ABCG1: variants seen among roughly 807,000 people sequenced by gnomAD.
The protein encoded by ABCG1 is ATP binding cassette subfamily G member 1, also known as ATP-binding cassette sub-family G member 1.
In ABCG1, 29 loss-of-function variants were observed where a neutral mutation model predicts 69.2. The observed-to-expected ratio is 0.42, with a 90% CI of 0.31 to 0.57. The LOEUF (loss-of-function observed/expected upper bound fraction) is 0.57, where lower values mean the gene tolerates loss of function less well. ABCG1 is among the 20% of genes least tolerant of loss of function. ABCG1 has a pLI of 0.15. For missense variants in ABCG1, 718 were observed against 898.1 expected, an observed-to-expected ratio of 0.80 and a Z score of 2.56; for synonymous variants, 370 against 374.8, an observed-to-expected ratio of 0.99 and a Z score of 0.15.
At chr21:42,216,340 G>C (rs1357057197), upstream of ABCG1, among the ~76,000 whole-genome samples, 1 of 152,200 alleles carries the variant, frequency 6.6e-6, no homozygotes, top group Non-Finnish European at 1.5e-5. Flanking sequence ...TTCTGTTGGG[G>C]TTGGGACTAA....
intron 2 of ABCG1, among the ~76,000 whole-genome samples, chr21:42,266,820 C>A (rs1356456794): frequency 6.6e-6 from 1 of 152,054 alleles, no homozygotes; most frequent in African/African-American, 2.4e-5. Context: ...ACATTAGGGC[C>A]CCAAGAAGAT....
Position 42,219,668 on chromosome 21 carries a change from C to A in ABCG1, c.42+364C>A, listed in dbSNP as rs938534681. Among the ~76,000 whole-genome samples, 3 of 151,992 alleles carry A rather than the reference C, an allele frequency of 2.0e-5. No individual in the cohort carries two copies. On this transcript the variant is annotated intron_variant, in intron 1 of 14. Coordinates refer to ENST00000398449, the MANE Select transcript of ABCG1 (RefSeq NM_016818.3). The surrounding 1 kb of genome is among the most constrained non-coding windows in gnomAD (Gnocchi z 5.3). ...AGCGCACTGGGGACTGGGGAGGGGC[C>A]GCAGCTTGGGCCGGAGGGAAGAGGG...
intron 2 of ABCG1, among the ~76,000 whole-genome samples, chr21:42,210,576 G>A (rs1237317236): frequency 1.3e-5 from 2 of 152,192 alleles, no homozygotes; most frequent in Non-Finnish European, 2.9e-5. Context: ...GCTAATGGAA[G>A]AAAACAAAAG....
At chr21:42,283,661 CCCAAATGAGTGGGGAA>C (rs1569236304) in intron 6 of ABCG1, among the ~76,000 whole-genome samples, 1 of 137,384 alleles carries the variant, frequency 7.3e-6, no homozygotes, top group African/African-American at 2.6e-5. Context: ...TCCCCCCCCA[CCCAAATGAGTGGGGAA>C]CCCCCACCTC....
At chr21:42,233,860 T>C (rs986158488) in intron 2 of ABCG1, among the ~76,000 whole-genome samples, 3 of 152,250 alleles carry the variant, frequency 2.0e-5, no homozygotes, top group Non-Finnish European at 4.4e-5. Flanking sequence ...AGTCACGTTC[T>C]TTCTGTTTCT....
chr21:42,265,290 A>G (rs1436567419), intron 2 of ABCG1, among the ~76,000 whole-genome samples: 1 of 152,170 alleles, frequency 6.6e-6, no homozygotes, highest in Non-Finnish European at 1.5e-5. Flanking sequence ...GTTGAGTTGC[A>G]TCCCCCAAAT....
chr21:42,269,408 C>T (rs3787994), intron 2 of ABCG1, among the ~76,000 whole-genome samples: 1 of 152,174 alleles, frequency 6.6e-6, no homozygotes, highest in African/African-American at 2.4e-5. Flanking sequence ...TCTTGGGGTT[C>T]CCGGTCCTCC....
Position 42,219,705 on chromosome 21 carries a change from GGGGAGCC to G in ABCG1, c.42+402_42+408del, listed in dbSNP as rs1438696971. Reference sequence around the variant, plus strand: ...CGGAGGGAAGAGGGGACTTGAAGAAGGGGAGCCCCGCGCGCGCGGCTGTGGGCTTGGG... The same window carrying G: ...CGGAGGGAAGAGGGGACTTGAAGAAGCCGCGCGCGCGGCTGTGGGCTTGGG... On this transcript the variant is annotated intron_variant, in intron 1 of 14. Coordinates refer to ENST00000398449, the MANE Select transcript of ABCG1 (RefSeq NM_016818.3). The surrounding 1 kb of genome is among the most constrained non-coding windows in gnomAD (Gnocchi z 5.3). The G allele has an allele frequency of 3.3e-4, 304 of 927,802 alleles. No homozygotes were observed. The highest frequency in any genetic ancestry group is 4.1e-4 in the Non-Finnish European group (270 of 651,406). The allele number at this position is 927,802 out of a possible 1,614,324, so 57.5% of individuals were successfully genotyped here. A position where few individuals can be genotyped will look rare whatever the true frequency, so the allele number is the denominator to read the frequency against.
At chr21:42,205,547 A>G (rs1287154357) in intron 2 of ABCG1, among the ~76,000 whole-genome samples, 1 of 151,824 alleles carries the variant, frequency 6.6e-6, no homozygotes, top group Non-Finnish European at 1.5e-5. Flanking sequence ...ATGGTGAGCC[A>G]AGATCATGAC....
chr21:42,231,859 T>C (rs568916438), intron 2 of ABCG1, among the ~76,000 whole-genome samples: 38 of 152,208 alleles, frequency 2.5e-4, no homozygotes, highest in Non-Finnish European at 4.3e-4. Flanking sequence ...CACAGGACAT[T>C]TCTTTTAGTC....
At chr21:42,258,212 C>T (rs2068342295) in intron 2 of ABCG1, among the ~76,000 whole-genome samples, 1 of 150,538 alleles carries the variant, frequency 6.6e-6, no homozygotes, top group Non-Finnish European at 1.5e-5. Context: ...TCCCCACCCA[C>T]TCCATAAGCC....
chr21:42,260,156 T>G lies in ABCG1; in HGVS notation c.287-10914T>G, dbSNP rs1344505477. 3 of 1,550,568 alleles carry G rather than the reference T, an allele frequency of 1.9e-6. No homozygotes were observed. In the South Asian group the frequency reaches 3.6e-5, roughly 18 times the overall value. On this transcript the variant is annotated intron_variant, in intron 2 of 14. Transcript: ENST00000398449. ...TGGAGGAAGGTGAGGATGAGTTGTG[T>G]TGCTTCTCGGGTGAAGCTGGTCACG...
intron 2 of ABCG1, among the ~76,000 whole-genome samples, chr21:42,204,210 T>C (rs1400080937): frequency 1.3e-5 from 2 of 152,232 alleles, no homozygotes; most frequent in South Asian, 2.1e-4. Flanking sequence ...TGCTTTTTTT[T>C]CCCTTTCCAA....
intron 1 of ABCG1, among the ~76,000 whole-genome samples, chr21:42,200,911 T>C (rs1253141995): frequency 6.6e-6 from 1 of 152,104 alleles, no homozygotes; most frequent in Non-Finnish European, 1.5e-5. Context: ...TGTATTTTGT[T>C]TTATTCTTAT....
chr21:42,218,261 A>C (rs2067664735), upstream of ABCG1, among the ~76,000 whole-genome samples: 1 of 152,174 alleles, frequency 6.6e-6, no homozygotes, highest in Non-Finnish European at 1.5e-5. Context: ...CAACTGAACA[A>C]AAGCATTAGG....
upstream of ABCG1, among the ~76,000 whole-genome samples, chr21:42,217,420 T>A (rs926423753): frequency 6.6e-6 from 1 of 152,094 alleles, no homozygotes; most frequent in African/African-American, 2.4e-5. Context: ...TGGAGCGAGA[T>A]GGGTCCCAGG....
rs1440968410 is a variant in ABCG1 at position 42,283,819 on chromosome 21, G to A, written c.735-741G>A. ...GTGGGGACCCCCCCACCTCTGTCCC[G>A]CCTGGACAGTTGCAAAGTCCCCCCG... is the stretch of plus-strand genomic sequence containing the variant. On this transcript the variant is annotated intron_variant, in intron 6 of 14. Transcript: ENST00000398449. Among the ~76,000 whole-genome samples, 11 of 53,890 alleles carry A rather than the reference G, an allele frequency of 2.0e-4. 1 individual carries two copies. The highest frequency in any genetic ancestry group is 5.5e-4 in the Admixed American group (3 of 5,478). The allele number at this position is 53,890 out of a possible 152,430, so 35.4% of individuals were successfully genotyped here.
At chr21:42,281,075 G>A (rs1379772587) in intron 5 of ABCG1, among the ~76,000 whole-genome samples, 1 of 152,254 alleles carries the variant, frequency 6.6e-6, no homozygotes, top group African/African-American at 2.4e-5. Flanking sequence ...GCCCTGGCCT[G>A]TCCAGCAGCC....
chr21:42,262,880 G>A (rs1369949436), intron 2 of ABCG1, among the ~76,000 whole-genome samples: 5 of 152,240 alleles, frequency 3.3e-5, no homozygotes, highest in Non-Finnish European at 5.9e-5. Flanking sequence ...CAAGGCTGGC[G>A]CGGTGCCCAC....
Sources: gnomAD v4.1 joint callset for allele counts (sites outside exome capture counted in the v4.1 genomes callset) on GRCh38, gnomAD v4.1.1 for gene constraint, Gnocchi (gnomAD v3.1) non-coding constraint, MANE v1.5 for transcripts, NCBI Gene and HGNC (gene_info 2026-07-23, HGNC 2026-07-21) for gene names.